FUNDC2: variants seen among roughly 807,000 people sequenced by gnomAD.
FUNDC2 encodes the protein FUN14 domain-containing protein 2.
Under a neutral mutation model 15.6 loss-of-function variants are expected in FUNDC2, and 4 were observed. That is an observed-to-expected ratio of 0.26 (90% CI 0.13 to 0.59). The LOEUF is 0.59. Among genes scored for constraint, FUNDC2 ranks in the 20% least tolerant of loss-of-function variants. The pLI, the probability that FUNDC2 is intolerant of heterozygous loss-of-function variation, is 0.90. For missense variants in FUNDC2, 98 were observed against 149.7 expected (o/e 0.65, Z 1.80); for synonymous variants, 44 against 56.9 (o/e 0.77, Z 1.02).
intron 3 of FUNDC2, chrX:155,050,864 T>G (rs1486978227): frequency 4.5e-5 from 5 of 112,012 alleles, no homozygotes; most frequent in African/African-American, 9.8e-5. Flanking sequence ...TCTAGTCTGT[T>G]TGGGTGACTG....
rs1441095801 is a variant in FUNDC2, at chrX:155,056,170, A to G, written c.*1498A>G. 1.8e-5 allele frequency: 2 copies of G among 111,984 alleles called. No homozygotes were observed. Among genetic ancestry groups the G allele is most frequent in the Admixed American group, 9.5e-5 (1 of 10,572 alleles). 9.2% of individuals were successfully genotyped at this position (111,984 alleles called of 1,213,427 possible). A position where few individuals can be genotyped will look rare whatever the true frequency, so the allele number is the denominator to read the frequency against. On this transcript the variant is annotated 3_prime_UTR_variant, in exon 5 of 5. Transcript: ENST00000369498. Reference sequence around the variant, plus strand: ...TTTTATTATGGACGCTTTCAGGAATATATAAAAGTAGAGAATATAGTACAA... The same window carrying G: ...TTTTATTATGGACGCTTTCAGGAATGTATAAAAGTAGAGAATATAGTACAA...
At chrX:155,042,708 T>G (rs1364631932) in intron 2 of FUNDC2, among the ~76,000 whole-genome samples, 1 of 112,047 alleles carries the variant, frequency 8.9e-6, no homozygotes, top group Admixed American at 9.4e-5. Context: ...TACATTCACA[T>G]GCAGTTAGAA....
At chrX:155,029,180 A>G (rs1476872788) in intron 1 of FUNDC2, among the ~76,000 whole-genome samples, 2 of 111,777 alleles carry the variant, frequency 1.8e-5, no homozygotes, top group African/African-American at 3.3e-5. Context: ...AAGGAAGCCT[A>G]GACTGACTCA....
intron 2 of FUNDC2, among the ~76,000 whole-genome samples, chrX:155,036,014 A>C (rs1333962432): frequency 9.0e-6 from 1 of 111,374 alleles, no homozygotes; most frequent in African/African-American, 3.3e-5. Flanking sequence ...ATATGCTTTC[A>C]TTTCTTTTGG....
chrX:155,051,936 C>G, intron 4 of FUNDC2, 135 bp downstream of exon 4: 2 of 586,198 alleles, frequency 3.4e-6, no homozygotes, highest in Non-Finnish European at 5.2e-6. Context: ...ACAAAACTAA[C>G]TTGGATTATC....
chrX:155,048,017 C>G (rs946378623), intron 3 of FUNDC2, among the ~76,000 whole-genome samples: 5 of 111,522 alleles, frequency 4.5e-5, no homozygotes, highest in African/African-American at 9.8e-5. Context: ...ATCTCTATCC[C>G]TGTGGTTTCC....
rs930047255 is a variant in FUNDC2, at chrX:155,056,226, C to T, written c.*1554C>T. On this transcript the variant is annotated 3_prime_UTR_variant, in exon 5 of 5. Transcript: ENST00000369498. ...CCCCTGTGTATCTATCACTCACTCA[C>T]AACAATCATCAAATTATAGCTCTGC... is the stretch of plus-strand genomic sequence containing the variant. 8.9e-6 allele frequency: 1 copy of T among 112,015 alleles called. No homozygotes were observed. The highest frequency in any genetic ancestry group is 3.2e-5 in the African/African-American group (1 of 30,839). The allele number at this position is 112,015 out of a possible 1,213,427, so 9.2% of individuals were successfully genotyped here.
intron 4 of FUNDC2, chrX:155,054,392 G>T (rs1480332817): frequency 2.7e-5 from 20 of 746,890 alleles, no homozygotes; most frequent in Non-Finnish European, 2.8e-5. Flanking sequence ...ACACCAGCCA[G>T]TAGTCATTTT....
At chrX:155,034,858 G>C (rs2073826369) in intron 2 of FUNDC2, among the ~76,000 whole-genome samples, 1 of 111,258 alleles carries the variant, frequency 9.0e-6, no homozygotes, top group South Asian at 3.8e-4. Context: ...TGACCATTTG[G>C]ATCTCCTCTT....
At chrX:155,028,992 T>C (rs1485317101) in intron 1 of FUNDC2, among the ~76,000 whole-genome samples, 3 of 112,152 alleles carry the variant, frequency 2.7e-5, no homozygotes, top group Admixed American at 1.9e-4. Context: ...ATGGTCTTTT[T>C]CCTAGTGACT....
chrX:155,028,743 C>T (rs1229849906), intron 1 of FUNDC2, among the ~76,000 whole-genome samples: 2 of 111,711 alleles, frequency 1.8e-5, no homozygotes, highest in Non-Finnish European at 3.8e-5. Context: ...ATGTGTGGAT[C>T]TATTTCTGGA....
In FUNDC2 at chrX:155,045,453, ATGT is replaced by A. The variant is rs34317685; in HGVS notation, c.285-1052_285-1050del. Among the ~76,000 whole-genome samples, 667 of 112,387 alleles carry A rather than the reference ATGT, an allele frequency of 5.9e-3. 2 individuals are homozygous for A. Among genetic ancestry groups the A allele is most frequent in the African/African-American group, 0.02 (607 of 30,899 alleles). On this transcript the variant is annotated intron_variant, in intron 2 of 4. Transcript: ENST00000369498. ...TTGTCTATATGTATCCCATAACATC[ATGT>A]TGTAAACCTCAAATATACACAATAA...
intron 2 of FUNDC2, among the ~76,000 whole-genome samples, chrX:155,036,196 C>T (rs893618594): frequency 8.9e-6 from 1 of 112,141 alleles, no homozygotes; most frequent in African/African-American, 3.2e-5. Flanking sequence ...TTTTTGATTA[C>T]GAACATCTTA....
At chrX:155,029,207 A>G (rs1365759199) in intron 1 of FUNDC2, among the ~76,000 whole-genome samples, 1 of 112,087 alleles carries the variant, frequency 8.9e-6, no homozygotes, top group Non-Finnish European at 1.9e-5. Flanking sequence ...GTAGCAGCCT[A>G]TCTATCTGTG....
chrX:155,055,142 T>C lies in FUNDC2; in HGVS notation c.*470T>C, dbSNP rs1437513742. Reference sequence around the variant, plus strand: ...GTATCTTGGTGTCTACTTTCTTTTTTAGTTGGTTTTACATTACAGAAAGCT... The same window carrying C: ...GTATCTTGGTGTCTACTTTCTTTTTCAGTTGGTTTTACATTACAGAAAGCT... On this transcript the variant is annotated 3_prime_UTR_variant, in exon 5 of 5. Coordinates refer to ENST00000369498, the MANE Select transcript of FUNDC2 (RefSeq NM_023934.4). The C allele has an allele frequency of 1.0e-5, 3 of 297,441 alleles. No homozygotes were observed. Among genetic ancestry groups the C allele is most frequent in the Admixed American group, 6.0e-5 (1 of 16,609 alleles). 24.5% of individuals were successfully genotyped at this position (297,441 alleles called of 1,213,427 possible).
intron 2 of FUNDC2, 37 bp downstream of exon 2, chrX:155,033,590 A>T: frequency 8.6e-7 from 1 of 1,157,525 alleles, no homozygotes; most frequent in Admixed American, 2.2e-5. Context: ...TCTTTTGTGC[A>T]TGATTTAGTA....
chrX:155,048,606 A>G (rs782760012), intron 3 of FUNDC2, among the ~76,000 whole-genome samples: 1 of 112,302 alleles, frequency 8.9e-6, no homozygotes, highest in Admixed American at 9.4e-5. Context: ...CTGCTCATTC[A>G]TCTAAATTTT....
intron 2 of FUNDC2, among the ~76,000 whole-genome samples, chrX:155,035,132 C>G (rs998230936): frequency 9.0e-6 from 1 of 111,409 alleles, no homozygotes; most frequent in African/African-American, 3.3e-5. Flanking sequence ...TTTGCCTACC[C>G]CATGTTTCAG....
intron 1 of FUNDC2, among the ~76,000 whole-genome samples, chrX:155,031,360 G>A (rs1416786727): frequency 9.0e-6 from 1 of 111,648 alleles, no homozygotes; most frequent in Non-Finnish European, 1.9e-5. Context: ...ACTGAGTCTC[G>A]CTGTGTCACC....
Sources: allele counts gnomAD v4.1 joint callset (sites outside exome capture counted in the v4.1 genomes callset), GRCh38; gene constraint gnomAD v4.1.1; transcripts MANE v1.5; gene names NCBI Gene and HGNC (gene_info 2026-07-23, HGNC 2026-07-21).